The following PCMTD1 variants were observed in gnomAD, a reference collection of about 807,000 sequenced individuals.
PCMTD1 encodes protein-L-isoaspartate O-methyltransferase domain-containing protein 1.
A neutral mutation model predicts 37.6 loss-of-function variants in PCMTD1; 12 were observed. The ratio of observed to expected loss-of-function variants is 0.32; its 90% CI spans 0.20 to 0.52. The LOEUF (loss-of-function observed/expected upper bound fraction) is 0.52. PCMTD1 is among the 20% of genes least tolerant of loss of function. The pLI, the probability that PCMTD1 is intolerant of heterozygous loss-of-function variation, is 0.97. For missense variants in PCMTD1, 235 were observed against 421.3 expected (o/e 0.56, Z 3.87); for synonymous variants, 117 against 135.8 (o/e 0.86, Z 0.96).
chr8:51,820,305 C>T lies in PCMTD1; in HGVS notation c.*46G>A, dbSNP rs1410233422. The T allele has an allele frequency of 1.4e-6, 2 of 1,461,126 alleles. No individual in the cohort carries two copies. The highest frequency in any genetic ancestry group is 2.5e-4 in the Middle Eastern group (1 of 3,972). The allele number at this position is 1,461,126 out of a possible 1,614,324, so 90.5% of individuals were successfully genotyped here. On this transcript the variant is annotated 3_prime_UTR_variant, in exon 6 of 6. Transcript: ENST00000522514. ...TAACTCCTAACAAATGCTACATTTT[C>T]AAGACTAAAGGAATTATCAGTAGGC... is the stretch of plus-strand genomic sequence containing the variant.
chr8:51,888,820 G>T (rs370556315), intron 1 of PCMTD1, among the ~76,000 whole-genome samples: 1 of 152,042 alleles, frequency 6.6e-6, no homozygotes, highest in Non-Finnish European at 1.5e-5. Flanking sequence ...AAATTATCCC[G>T]CATAACTCAA....
At chr8:51,834,131 G>C (rs2129276656) in intron 3 of PCMTD1, among the ~76,000 whole-genome samples, 1 of 152,240 alleles carries the variant, frequency 6.6e-6, no homozygotes, top group East Asian at 1.9e-4. Context: ...ATCTCAGTTT[G>C]ACATTTTTGC....
chr8:51,834,180 C>CGAGT (rs2038035332), intron 3 of PCMTD1, among the ~76,000 whole-genome samples: 2 of 152,112 alleles, frequency 1.3e-5, no homozygotes, highest in Admixed American at 1.3e-4. Context: ...AAAAAAGATA[C>CGAGT]GAGTGTCCTG....
intron 3 of PCMTD1, among the ~76,000 whole-genome samples, chr8:51,837,931 C>G (rs2038091086): frequency 6.6e-6 from 1 of 152,050 alleles, no homozygotes; most frequent in East Asian, 1.9e-4. Context: ...AGAGGTGGAC[C>G]ACCACAATCA....
intron 5 of PCMTD1, among the ~76,000 whole-genome samples, chr8:51,824,178 T>C (rs2037888185): frequency 6.6e-6 from 1 of 152,190 alleles, no homozygotes; most frequent in South Asian, 2.1e-4. Flanking sequence ...TTCAACATAG[T>C]ATTGGAAGTT....
chr8:51,830,821 G>C (rs2129275490), intron 5 of PCMTD1, among the ~76,000 whole-genome samples: 1 of 152,312 alleles, frequency 6.6e-6, no homozygotes, highest in Middle Eastern at 3.4e-3. Context: ...TGCCTTGGCA[G>C]AAAGTTCTTC....
At chr8:51,896,746 G>C (rs905629297) in intron 1 of PCMTD1, among the ~76,000 whole-genome samples, 3 of 152,140 alleles carry the variant, frequency 2.0e-5, no homozygotes, top group Non-Finnish European at 2.9e-5. Flanking sequence ...CATTCATGTA[G>C]TTATTCTGTA....
rs547792380 is a variant in PCMTD1 at position 51,869,263 on chromosome 8, C to T, written c.-95-8017G>A. Among the ~76,000 whole-genome samples, 31 of 152,172 alleles carry T rather than the reference C, an allele frequency of 2.0e-4. No homozygotes were observed. The East Asian group carries it at 5.4e-3, about 27-fold the overall frequency. On this transcript the variant is annotated intron_variant, in intron 1 of 5. Transcript: ENST00000522514. Reference sequence around the variant, plus strand: ...ATAAAAACCCAGTGTAGCATTAGGTCATCAGTGTCTGCCATTTGTTACTTC... The same window carrying T: ...ATAAAAACCCAGTGTAGCATTAGGTTATCAGTGTCTGCCATTTGTTACTTC...
intron 1 of PCMTD1, among the ~76,000 whole-genome samples, chr8:51,879,404 G>A (rs2038760365): frequency 6.6e-6 from 1 of 152,086 alleles, no homozygotes; most frequent in African/African-American, 2.4e-5. Flanking sequence ...AAGCTTTAAA[G>A]AAAATGGTAA....
chr8:51,832,792 T>C (rs1298888190), intron 4 of PCMTD1, among the ~76,000 whole-genome samples: 1 of 151,036 alleles, frequency 6.6e-6, no homozygotes, highest in East Asian at 1.9e-4. Context: ...GAAGATTTTT[T>C]TAGTTCACTT....
chr8:51,852,628 G>A (rs985488625), intron 2 of PCMTD1, among the ~76,000 whole-genome samples: 1 of 152,122 alleles, frequency 6.6e-6, no homozygotes, highest in Non-Finnish European at 1.5e-5. Context: ...TAAAGTTATC[G>A]TCAAAGTGGG....
intron 5 of PCMTD1, among the ~76,000 whole-genome samples, chr8:51,822,108 T>C (rs1247771178): frequency 6.6e-6 from 1 of 152,104 alleles, no homozygotes; most frequent in East Asian, 1.9e-4. Context: ...CTAGATGATA[T>C]AACAGCCATG....
intron 3 of PCMTD1, among the ~76,000 whole-genome samples, chr8:51,841,298 CTCATA>C (rs1260680227): frequency 1.3e-5 from 2 of 152,120 alleles, no homozygotes; most frequent in African/African-American, 2.4e-5. Flanking sequence ...GTTTTCATTA[CTCATA>C]TCATGACTCA....
chr8:51,858,570 C>T (rs935749551), intron 2 of PCMTD1, among the ~76,000 whole-genome samples: 1 of 152,160 alleles, frequency 6.6e-6, no homozygotes, highest in Non-Finnish European at 1.5e-5. Context: ...AAAACACAAA[C>T]TAAAAACAGA....
At chr8:51,843,129 A>G (rs532722013) in intron 3 of PCMTD1, among the ~76,000 whole-genome samples, 3 of 151,978 alleles carry the variant, frequency 2.0e-5, no homozygotes, top group South Asian at 2.1e-4. Context: ...TGTAAGAACA[A>G]TATCATTTTT....
chr8:51,849,565 A>G (rs1190029861), intron 2 of PCMTD1: 5 of 152,344 alleles, frequency 3.3e-5, no homozygotes, highest in Non-Finnish European at 7.3e-5. Context: ...TACAGTTATT[A>G]GAAATTCCTA....
chr8:51,874,988 GAC>G (rs987121991), intron 1 of PCMTD1, among the ~76,000 whole-genome samples: 1 of 152,108 alleles, frequency 6.6e-6, no homozygotes, highest in Non-Finnish European at 1.5e-5. Context: ...TGTTCAAGAT[GAC>G]ACAAGTTAGT....
intron 1 of PCMTD1, among the ~76,000 whole-genome samples, chr8:51,888,855 T>C (rs764461150): frequency 3.3e-5 from 5 of 152,160 alleles, no homozygotes; most frequent in Non-Finnish European, 7.4e-5. Flanking sequence ...CTGAGGGTCA[T>C]TATGAGGAAC....
At chr8:51,878,669 A>G (rs2038749655) in intron 1 of PCMTD1, among the ~76,000 whole-genome samples, 1 of 152,200 alleles carries the variant, frequency 6.6e-6, no homozygotes, top group Non-Finnish European at 1.5e-5. Context: ...TGATCCCTTG[A>G]GCCCAAGAGG....
Sources: gnomAD v4.1 joint callset for allele counts (sites outside exome capture counted in the v4.1 genomes callset) on GRCh38, gnomAD v4.1.1 for gene constraint, MANE v1.5 for transcripts, NCBI Gene and HGNC (gene_info 2026-07-23, HGNC 2026-07-21) for gene names.